Variants in PEMT observed in about 807,000 individuals in gnomAD.
PEMT encodes phospholipid methyltransferase.
PEMT carries 23 observed loss-of-function variants against 27.4 expected under a neutral mutation model. The ratio of observed to expected loss-of-function variants is 0.84; its 90% CI spans 0.60 to 1.19. The LOEUF (loss-of-function observed/expected upper bound fraction) is 1.19, where lower values mean the gene tolerates loss of function less well. Among genes scored for constraint, PEMT ranks in the 50% most tolerant of loss-of-function variants. The pLI, the probability that PEMT is intolerant of heterozygous loss-of-function variation, is 0.00. For missense variants in PEMT, 307 were observed against 310.1 expected, an observed-to-expected ratio of 0.99 and a Z score of 0.07; for synonymous variants, 137 against 139.1, an observed-to-expected ratio of 0.98 and a Z score of 0.11.
At position 17,577,032 on chromosome 17, in the gene PEMT, A is replaced by G. The variant is rs375891555; in HGVS notation, c.97-5T>C. On this transcript the variant is annotated splice_region_variant and splice_polypyrimidine_tract_variant and intron_variant, in intron 1 of 6. Transcript: ENST00000255389. ...GGTCATAACGCAGAAGTCTGCCTGC[A>G]GGGACAGAGCTAGCATCAGCACCAC... 8.7e-5 allele frequency: 140 copies of G among 1,610,256 alleles called. 1 individual carries two copies. The African/African-American group carries it at 1.8e-3, about 21-fold the overall frequency.
At chr17:17,583,092 C>T (rs1426797836) in intron 1 of PEMT, among the ~76,000 whole-genome samples, 1 of 150,234 alleles carries the variant, frequency 6.7e-6, no homozygotes, top group Non-Finnish European at 1.5e-5. Flanking sequence ...AGTTTATTCT[C>T]TGGCCGTGCC....
chr17:17,574,548 T>A (rs1911450627), intron 2 of PEMT, among the ~76,000 whole-genome samples: 1 of 152,186 alleles, frequency 6.6e-6, no homozygotes, highest in Non-Finnish European at 1.5e-5. Context: ...CTCGAACTCC[T>A]GACCTCAGGT....
chr17:17,572,746 A>T (rs1046443976), intron 2 of PEMT, among the ~76,000 whole-genome samples: 10 of 152,270 alleles, frequency 6.6e-5, no homozygotes, highest in Non-Finnish European at 1.5e-5. Flanking sequence ...GAATGTATGA[A>T]TGAACCTCTT....
At chr17:17,554,523 G>A (rs113840876) in intron 2 of PEMT, among the ~76,000 whole-genome samples, 42 of 152,234 alleles carry the variant, frequency 2.8e-4, no homozygotes, top group African/African-American at 8.0e-4. Flanking sequence ...AGCTGCGAGC[G>A]GCACAGGCTG....
At chr17:17,524,832 G>A (rs1486630364) in intron 2 of PEMT, among the ~76,000 whole-genome samples, 1 of 152,174 alleles carries the variant, frequency 6.6e-6, no homozygotes, top group Non-Finnish European at 1.5e-5. Flanking sequence ...CTTTCCAGCT[G>A]GGCGTGGTGG....
chr17:17,522,459 G>C, intron 2 of PEMT, 64 bp from the exon 3 acceptor site: 23 of 951,364 alleles, frequency 2.4e-5, no homozygotes, highest in Middle Eastern at 2.1e-4. Flanking sequence ...TGGGGGTGGG[G>C]AGCACATGCC....
Position 17,505,679 on chromosome 17 carries a change from A to G in PEMT, c.*112T>C. The G allele has an allele frequency of 7.8e-7, 1 of 1,287,786 alleles. No individual in the cohort carries two copies. The highest frequency in any genetic ancestry group is 1.0e-6 in the Non-Finnish European group (1 of 980,096). The allele number at this position is 1,287,786 out of a possible 1,614,324, so 79.8% of individuals were successfully genotyped here. ...AGGTTCCAAGGCACTGGGGCAGCCC[A>G]CGCCGGGGGCGAGCCCTGAGCAGCA... On this transcript the variant is annotated 3_prime_UTR_variant, in exon 7 of 7. Coordinates refer to ENST00000255389, the MANE Select transcript of PEMT (RefSeq NM_148172.3).
Position 17,568,861 on chromosome 17 carries a change from G to A in PEMT, c.204+8059C>T, listed in dbSNP as rs375268728. Among the ~76,000 whole-genome samples the A allele has an allele frequency of 2.5e-3, 376 of 152,226 alleles. 5 individuals carry two copies. Among genetic ancestry groups the A allele is most frequent in the South Asian group, 0.024 (114 of 4,832 alleles). On this transcript the variant is annotated intron_variant, in intron 2 of 6. Coordinates refer to ENST00000255389, the MANE Select transcript of PEMT (RefSeq NM_148172.3). The stretch of plus-strand genomic sequence containing the variant: ...CCTCCTCCTCTTCCTCCTCCCAGGA[G>A]CCAGGAGAAGCACACCTCACCTTGC...
chr17:17,527,736 AGGCCCC>A (rs936016435), intron 2 of PEMT, among the ~76,000 whole-genome samples: 3 of 152,208 alleles, frequency 2.0e-5, no homozygotes, highest in African/African-American at 7.2e-5. Flanking sequence ...TTGGCCTGAC[AGGCCCC>A]GGCAAAGCTG....
chr17:17,528,153 C>T (rs1229950240), intron 2 of PEMT, among the ~76,000 whole-genome samples: 3 of 152,222 alleles, frequency 2.0e-5, no homozygotes, highest in South Asian at 2.1e-4. Flanking sequence ...GGACGTGGGC[C>T]GTGCGCCAGC....
At chr17:17,542,057 T>A (rs1287264082) in intron 2 of PEMT, among the ~76,000 whole-genome samples, 4 of 152,222 alleles carry the variant, frequency 2.6e-5, no homozygotes, top group African/African-American at 9.6e-5. Context: ...CTCTGCTCAC[T>A]GAAACCTCCA....
At chr17:17,543,823 A>G (rs760545218) in intron 2 of PEMT, among the ~76,000 whole-genome samples, 5 of 152,134 alleles carry the variant, frequency 3.3e-5, no homozygotes, top group Non-Finnish European at 5.9e-5. Flanking sequence ...TCAGCCTCCC[A>G]GAGTGTTGGG....
intron 2 of PEMT, among the ~76,000 whole-genome samples, chr17:17,524,109 G>A (rs905478014): frequency 1.3e-5 from 2 of 152,090 alleles, no homozygotes; most frequent in African/African-American, 4.8e-5. Flanking sequence ...TCCCTCTTAC[G>A]GCTGAATACG....
chr17:17,510,756 C>A (rs1255057101), intron 4 of PEMT, among the ~76,000 whole-genome samples: 1 of 152,178 alleles, frequency 6.6e-6, no homozygotes, highest in African/African-American at 2.4e-5. Flanking sequence ...CTCTGACTGT[C>A]CAGGACCCCC....
At chr17:17,566,786 G>A (rs146959807) in intron 2 of PEMT, among the ~76,000 whole-genome samples, 41 of 152,354 alleles carry the variant, frequency 2.7e-4, no homozygotes, top group Admixed American at 1.2e-3. Context: ...AGGGGGGCAG[G>A]TCGCGAACGA....
chr17:17,591,758 C>T (rs1597976080), upstream of PEMT: 2 of 1,450,460 alleles, frequency 1.4e-6, no homozygotes, highest in Admixed American at 5.4e-5. Context: ...TTCCGGCCTT[C>T]TGGGAAATGT....
At chr17:17,592,118 C>T, upstream of PEMT, 1 of 982,720 alleles carries the variant, frequency 1.0e-6, no homozygotes, top group East Asian at 1.2e-4. Context: ...GGCCCCACGC[C>T]CTCTTCTGAA....
chr17:17,519,369 C>G (rs1907096161), intron 3 of PEMT, among the ~76,000 whole-genome samples: 1 of 152,226 alleles, frequency 6.6e-6, no homozygotes, highest in African/African-American at 2.4e-5. Flanking sequence ...GCCAGTTCAA[C>G]CAAAAGTCAT....
intron 2 of PEMT, among the ~76,000 whole-genome samples, chr17:17,541,516 C>T (rs576333774): frequency 6.6e-6 from 1 of 152,330 alleles, no homozygotes; most frequent in South Asian, 2.1e-4. Flanking sequence ...TCGGACATGG[C>T]GGGCCTCATC....
Sources: allele counts gnomAD v4.1 joint callset (sites outside exome capture counted in the v4.1 genomes callset), GRCh38; gene constraint gnomAD v4.1.1; transcripts MANE v1.5; gene names NCBI Gene and HGNC (gene_info 2026-07-23, HGNC 2026-07-21).